The following NRG1 variants were observed in gnomAD, a reference collection of about 807,000 sequenced individuals.
NRG1 encodes neuregulin 1.
A neutral mutation model predicts 63.8 loss-of-function variants in NRG1; 18 were observed. The ratio of observed to expected loss-of-function variants is 0.28; its 90% CI spans 0.19 to 0.42. The LOEUF (loss-of-function observed/expected upper bound fraction) is 0.42. Ranked by LOEUF, NRG1 falls within the 10% of genes least tolerant of loss-of-function variation. The pLI is 1.00. For missense variants in NRG1, 762 were observed against 814.7 expected (o/e 0.94, Z 0.79); for synonymous variants, 302 against 301.3 (o/e 1.00, Z -0.02).
At chr8:32,098,109 A>G (rs1049488392) in intron 1 of NRG1, among the ~76,000 whole-genome samples, 2 of 150,642 alleles carry the variant, frequency 1.3e-5, no homozygotes, top group African/African-American at 4.9e-5. Flanking sequence ...AGACAGAAAA[A>G]GCAATCAGTA....
At chr8:31,853,404 T>C (rs1369590932) in intron 1 of NRG1, among the ~76,000 whole-genome samples, 2 of 150,580 alleles carry the variant, frequency 1.3e-5, no homozygotes, top group Non-Finnish European at 3.0e-5. Context: ...ATGATTTGGC[T>C]CTCTGTTTGT....
At chr8:32,567,416 TG>T (rs1205634388) in intron 1 of NRG1, among the ~76,000 whole-genome samples, 8 of 152,228 alleles carry the variant, frequency 5.3e-5, no homozygotes, top group Non-Finnish European at 1.2e-4. Flanking sequence ...GTTTTGCCAA[TG>T]CATCAAAAAT....
chr8:31,921,927 T>A (rs971285883), intron 1 of NRG1, among the ~76,000 whole-genome samples: 2 of 152,162 alleles, frequency 1.3e-5, no homozygotes, highest in African/African-American at 4.8e-5. Context: ...ATTTAAAAAA[T>A]TTTTTTAATT....
At chr8:31,812,439 A>G (rs1249592589) in intron 1 of NRG1, among the ~76,000 whole-genome samples, 5 of 152,326 alleles carry the variant, frequency 3.3e-5, no homozygotes, top group African/African-American at 9.6e-5. Flanking sequence ...CAGTCTCACA[A>G]CAGGGATTTC....
chr8:32,253,804 G>A (rs1849382229), intron 1 of NRG1, among the ~76,000 whole-genome samples: 1 of 152,170 alleles, frequency 6.6e-6, no homozygotes, highest in Non-Finnish European at 1.5e-5. Context: ...GAAATCGGCT[G>A]TGAATCTGTC....
chr8:32,621,392 G>T (rs1391951117), intron 5 of NRG1, among the ~76,000 whole-genome samples: 1 of 152,150 alleles, frequency 6.6e-6, no homozygotes, highest in Non-Finnish European at 1.5e-5. Flanking sequence ...CAGTCAATAG[G>T]ACTATCTTGC....
At chr8:31,925,919 C>T (rs73580634) in intron 1 of NRG1, among the ~76,000 whole-genome samples, 2,228 of 152,114 alleles carry the variant, frequency 0.015, 45 homozygotes, top group African/African-American at 0.051. Flanking sequence ...ATATTTAAAC[C>T]ATCCACCAGG....
intron 1 of NRG1, among the ~76,000 whole-genome samples, chr8:31,818,021 C>T (rs935974340): frequency 1.3e-5 from 2 of 152,080 alleles, no homozygotes; most frequent in African/African-American, 4.8e-5. Flanking sequence ...TTTTATGGAG[C>T]AACTAATGAT....
At position 32,283,874 on chromosome 8, in the gene NRG1, T is replaced by C. The variant is rs1393073314; in HGVS notation, c.38-311954T>C. Among the ~76,000 whole-genome samples the C allele has an allele frequency of 3.9e-5, 6 of 152,274 alleles. No individual in the cohort carries two copies. The East Asian group carries it at 9.7e-4, about 25-fold the overall frequency. On this transcript the variant is annotated intron_variant, in intron 1 of 10. Transcript: ENST00000519301. ...ATGATGCATCCACCAGGGTTTCCCATTGGATGCTTAGAAAAAATTCCATCA... is the reference window on the plus strand; with the variant it reads ...ATGATGCATCCACCAGGGTTTCCCACTGGATGCTTAGAAAAAATTCCATCA...
At chr8:31,802,279 CTT>C (rs1389543061) in intron 1 of NRG1, among the ~76,000 whole-genome samples, 1 of 152,116 alleles carries the variant, frequency 6.6e-6, no homozygotes, top group Non-Finnish European at 1.5e-5. Flanking sequence ...CTTTTTCTGA[CTT>C]TACTTCATGC....
rs1488326411 is a variant in NRG1, at chr8:31,751,857, A to T, written c.37+112426A>T. Among the ~76,000 whole-genome samples the T allele has an allele frequency of 2.6e-5, 4 of 152,086 alleles. No individual in the cohort carries two copies. In the East Asian group the frequency reaches 7.8e-4, roughly 30 times the overall value. ...AACTCTGCATCATATAATAAAATGG[A>T]TGGGGGTGCCGTTTATGGAGATACG... On this transcript the variant is annotated intron_variant, in intron 1 of 10. Coordinates refer to the NRG1 transcript ENST00000519301.
chr8:32,067,796 A>G (rs1825111081), intron 1 of NRG1, among the ~76,000 whole-genome samples: 1 of 152,208 alleles, frequency 6.6e-6, no homozygotes, highest in African/African-American at 2.4e-5. Flanking sequence ...GATTACTAAG[A>G]AAATATAAAC....
intron 6 of NRG1, among the ~76,000 whole-genome samples, chr8:32,729,154 A>C (rs1057107980): frequency 1.3e-5 from 2 of 152,224 alleles, no homozygotes; most frequent in Admixed American, 1.3e-4. Flanking sequence ...GTATCAGTAC[A>C]TTAAATATTT....
intron 1 of NRG1, among the ~76,000 whole-genome samples, chr8:32,550,480 T>C (rs1401717452): frequency 1.3e-5 from 2 of 152,152 alleles, no homozygotes; most frequent in African/African-American, 4.8e-5. Context: ...CCCTGCTCAT[T>C]GGCTTCAGAA....
intron 3 of NRG1, among the ~76,000 whole-genome samples, chr8:32,607,617 A>G (rs2129539959): frequency 6.6e-6 from 1 of 152,282 alleles, no homozygotes; most frequent in South Asian, 2.1e-4. Context: ...GTTTGATAAT[A>G]TGGCTTTTTA....
At chr8:31,900,269 G>A (rs895006201) in intron 1 of NRG1, among the ~76,000 whole-genome samples, 1 of 151,944 alleles carries the variant, frequency 6.6e-6, no homozygotes, top group Non-Finnish European at 1.5e-5. Flanking sequence ...AGATACTGGC[G>A]ACCACACACA....
chr8:32,405,004 C>T (rs1360898254), intron 1 of NRG1, among the ~76,000 whole-genome samples: 3 of 152,094 alleles, frequency 2.0e-5, no homozygotes, highest in Admixed American at 6.6e-5. Context: ...GGGGTTGTAC[C>T]GCCAATCACT....
At chr8:32,064,859 G>A (rs560986098) in intron 1 of NRG1, among the ~76,000 whole-genome samples, 1 of 152,124 alleles carries the variant, frequency 6.6e-6, no homozygotes, top group Non-Finnish European at 1.5e-5. Flanking sequence ...CATATATTAG[G>A]TGTCCATTTT....
At chr8:31,770,775 A>ATG (rs1289298816) in intron 1 of NRG1, among the ~76,000 whole-genome samples, 1 of 26,366 alleles carries the variant, frequency 3.8e-5, no homozygotes, top group African/African-American at 9.2e-5. Context: ...ATAAACATAT[A>ATG]TATATATATA....
Sources: gnomAD v4.1 joint callset for allele counts (sites outside exome capture counted in the v4.1 genomes callset) on GRCh38, gnomAD v4.1.1 for gene constraint, MANE v1.5 for transcripts, NCBI Gene and HGNC (gene_info 2026-07-23, HGNC 2026-07-21) for gene names.